Variants in PKD2L1 observed in about 807,000 individuals in gnomAD.
PKD2L1 encodes polycystin-2-like protein 1.
PKD2L1 carries 77 observed loss-of-function variants against 93.0 expected under a neutral mutation model. The ratio of observed to expected loss-of-function variants is 0.83; its 90% CI spans 0.69 to 1.00. The LOEUF (loss-of-function observed/expected upper bound fraction) is 1.00, where lower values mean the gene tolerates loss of function less well. Among genes scored for constraint, PKD2L1 ranks in the 50% least tolerant of loss-of-function variants. PKD2L1 has a pLI of 0.00. For missense variants in PKD2L1, 977 were observed against 990.9 expected, an observed-to-expected ratio of 0.99 and a Z score of 0.19; for synonymous variants, 390 against 388.0, an observed-to-expected ratio of 1.01 and a Z score of -0.06.
Position 100,293,003 on chromosome 10 carries a change from G to A in PKD2L1, c.1825C>T (p.Leu609=). Residue 609 remains leucine (L), a synonymous_variant, in exon 11 of 16, where the codon CTG becomes TTG. Transcript: ENST00000318222. ...TGGATCTCCTGCTCCCCACCCTGCA[G>A]GACCTTCTGCACATCCGAAACCCTC... is the stretch of plus-strand genomic sequence containing the variant. The part of the protein sequence containing the change: ...KERVSDVQKV[L]QGGEQEIQFE... 6.2e-7 allele frequency: 1 copy of A among 1,614,172 alleles called. No individual in the cohort carries two copies. The highest frequency in any genetic ancestry group is 1.1e-5 in the South Asian group (1 of 91,080).
chr10:100,292,125 C>T (rs190436163), intron 11 of PKD2L1, among the ~76,000 whole-genome samples: 26 of 152,070 alleles, frequency 1.7e-4, no homozygotes, highest in African/African-American at 5.8e-4. Context: ...GAATTGATCA[C>T]CCTCTACTCC....
intron 9 of PKD2L1, among the ~76,000 whole-genome samples, chr10:100,293,808 G>C (rs1848460545): frequency 6.6e-6 from 1 of 152,256 alleles, no homozygotes; most frequent in East Asian, 1.9e-4. Flanking sequence ...GGCCTTGTTA[G>C]TAAAAATAAA....
intron 2 of PKD2L1, among the ~76,000 whole-genome samples, chr10:100,317,087 T>C (rs1325056326): frequency 6.6e-6 from 1 of 151,494 alleles, no homozygotes; most frequent in Non-Finnish European, 1.5e-5. Context: ...AGATTCCATC[T>C]CAAAAAAATA....
At position 100,296,156 on chromosome 10, in the gene PKD2L1, A is replaced by T. The variant is rs1848531898; in HGVS notation, c.1322T>A (p.Met441Lys). Residue 441 changes from methionine (M) to lysine (K), a missense_variant, in exon 7 of 16, where the codon ATG becomes AAG. Met to Lys is a moderately conservative substitution (Grantham distance 95, BLOSUM62 -1). Transcript: ENST00000318222. The stretch of plus-strand genomic sequence containing the variant: ...GGCGAAGAAGAGGTTGACAGCATTC[A>T]TGTTGTTGTACTGTGTCTGCCAGAA... Reference protein sequence around the residue: ...LAFWQTQYNNMNAVNLFFAWI... With the variant: ...LAFWQTQYNNKNAVNLFFAWI... 2.5e-6 allele frequency: 4 copies of T among 1,611,404 alleles called. No homozygotes were observed. In the Admixed American group the frequency reaches 5.0e-5, roughly 20 times the overall value.
intron 2 of PKD2L1, among the ~76,000 whole-genome samples, chr10:100,304,299 A>G (rs951421992): frequency 4.6e-5 from 7 of 152,104 alleles, no homozygotes; most frequent in Non-Finnish European, 1.0e-4. Context: ...GATGAGGGGT[A>G]CTTTCCCACC....
Position 100,312,063 on chromosome 10 carries a change from T to C in PKD2L1, c.350-12345A>G, listed in dbSNP as rs575234640. On this transcript the variant is annotated intron_variant, in intron 2 of 15. Coordinates refer to ENST00000318222, the MANE Select transcript of PKD2L1 (RefSeq NM_016112.3). Reference sequence around the variant, plus strand: ...ACATATTCTGGTGAATGTTATTGGGTCATTCCAAGTTGGATTCCAAATAGT... The same window carrying C: ...ACATATTCTGGTGAATGTTATTGGGCCATTCCAAGTTGGATTCCAAATAGT... Among the ~76,000 whole-genome samples, 22 of 152,272 alleles carry C rather than the reference T, an allele frequency of 1.4e-4. No individual in the cohort carries two copies. The East Asian group carries it at 4.2e-3, about 29-fold the overall frequency.
intron 13 of PKD2L1, 29 bp downstream of exon 13, chr10:100,290,372 C>T (rs1157104341): frequency 6.7e-7 from 1 of 1,490,026 alleles, no homozygotes; most frequent in Admixed American, 1.7e-5. Flanking sequence ...GTTGCCAGCC[C>T]TGAACCAGCC....
chr10:100,317,406 C>T (rs536245521), intron 2 of PKD2L1, among the ~76,000 whole-genome samples: 7 of 149,194 alleles, frequency 4.7e-5, no homozygotes, highest in Non-Finnish European at 1.0e-4. Flanking sequence ...GAGTGTGGTG[C>T]TACATGCCTG....
Position 100,290,505 on chromosome 10 carries a change from A to G in PKD2L1, c.2022T>C (p.Thr674=). Residue 674 remains threonine (T), a synonymous_variant, in exon 13 of 16, where the codon ACT becomes ACC. Coordinates refer to ENST00000318222, the MANE Select transcript of PKD2L1 (RefSeq NM_016112.3). ...DLEEERVALN[T]EIEKLGRSIV... is the part of the protein sequence containing the mutation. ...TAGATCGGCCTAGTTTCTCAATCTC[A>G]GTGTTGAGGGCCACCTGCTCAGGAA... 6.2e-7 allele frequency: 1 copy of G among 1,609,438 alleles called. No individual in the cohort carries two copies. Among genetic ancestry groups the G allele is most frequent in the Non-Finnish European group, 8.5e-7 (1 of 1,176,796 alleles).
intron 15 of PKD2L1, 28 bp downstream of exon 15, chr10:100,288,944 G>C (rs761977158): frequency 2.7e-6 from 4 of 1,483,212 alleles, no homozygotes; most frequent in African/African-American, 1.4e-5. Context: ...GAAGCCTGCT[G>C]TCTGATGCTT....
At chr10:100,322,292 C>G (rs549420136) in intron 2 of PKD2L1, among the ~76,000 whole-genome samples, 2 of 152,074 alleles carry the variant, frequency 1.3e-5, no homozygotes, top group South Asian at 4.2e-4. Flanking sequence ...TTTGGGAGGC[C>G]GAGGTGGGCC....
In PKD2L1 at chr10:100,291,437, G is replaced by C. The variant is rs544950498; in HGVS notation, c.1881-10C>G. 9.3e-6 allele frequency: 15 copies of C among 1,613,638 alleles called. No homozygotes were observed. The East Asian group carries it at 3.1e-4, about 34-fold the overall frequency. On this transcript the variant is annotated splice_polypyrimidine_tract_variant and intron_variant, in intron 11 of 15. Coordinates refer to ENST00000318222, the MANE Select transcript of PKD2L1 (RefSeq NM_016112.3). ...CTCTGCGTGTCCCAGTCTGAGAAGA[G>C]GATGATGAAATGATTTCTGCCCAGC...
At chr10:100,305,465 A>G (rs1247799300) in intron 2 of PKD2L1, among the ~76,000 whole-genome samples, 1 of 152,212 alleles carries the variant, frequency 6.6e-6, no homozygotes, top group Non-Finnish European at 1.5e-5. Context: ...TGTTTGACCC[A>G]TCACAGCAAT....
At chr10:100,313,132 T>C (rs963475326) in intron 2 of PKD2L1, among the ~76,000 whole-genome samples, 3 of 152,192 alleles carry the variant, frequency 2.0e-5, no homozygotes, top group Non-Finnish European at 4.4e-5. Context: ...TTGCACTTGC[T>C]CTTACTGTCC....
At chr10:100,296,934 C>T in intron 6 of PKD2L1, 46 bp downstream of exon 6, 2 of 1,316,156 alleles carry the variant, frequency 1.5e-6, no homozygotes, top group South Asian at 2.4e-5. Context: ...GGTGGAACTC[C>T]CTCCTCACCC....
chr10:100,311,317 C>T (rs1848928030), intron 2 of PKD2L1, among the ~76,000 whole-genome samples: 1 of 152,114 alleles, frequency 6.6e-6, no homozygotes, highest in Non-Finnish European at 1.5e-5. Context: ...TTTGCTAGGT[C>T]GTTCTTAATT....
intron 7 of PKD2L1, 53 bp from the exon 8 acceptor site, chr10:100,295,176 G>T: frequency 1.3e-6 from 2 of 1,517,092 alleles, no homozygotes; most frequent in Non-Finnish European, 1.8e-6. Context: ...GAAAAGCATT[G>T]AAAAGTCCAT....
At chr10:100,308,919 TG>T (rs1339276698) in intron 2 of PKD2L1, among the ~76,000 whole-genome samples, 1 of 152,216 alleles carries the variant, frequency 6.6e-6, no homozygotes, top group Non-Finnish European at 1.5e-5. Context: ...GAAGGTGAAT[TG>T]CAAAAGCACT....
chr10:100,310,257 C>A (rs1848904049), intron 2 of PKD2L1, among the ~76,000 whole-genome samples: 1 of 152,072 alleles, frequency 6.6e-6, no homozygotes, highest in Non-Finnish European at 1.5e-5. Context: ...GTGCTTGAGC[C>A]CAGGAGGCTG....
Sources: allele counts gnomAD v4.1 joint callset (sites outside exome capture counted in the v4.1 genomes callset), GRCh38; gene constraint gnomAD v4.1.1; transcripts MANE v1.5; gene names NCBI Gene and HGNC (gene_info 2026-07-23, HGNC 2026-07-21).